The following PDK1 variants were observed in gnomAD, a reference collection of about 807,000 sequenced individuals.
PDK1 encodes pyruvate dehydrogenase kinase 1, also known as [Pyruvate dehydrogenase (acetyl-transferring)] kinase isozyme 1, mitochondrial.
In PDK1, 39 loss-of-function variants were observed where a neutral mutation model predicts 54.2. That is an observed-to-expected ratio of 0.72 (90% confidence interval 0.56 to 0.94). PDK1 has a LOEUF of 0.94. Ranked by LOEUF, PDK1 falls within the 40% of genes least tolerant of loss-of-function variation. PDK1 has a pLI of 0.00. For synonymous variants in PDK1, 221 were observed against 207.1 expected, an observed-to-expected ratio of 1.07 and a Z score of -0.58; for missense variants, 552 against 566.0, an observed-to-expected ratio of 0.98 and a Z score of 0.25.
At chr2:172,583,312 T>TA (rs1491260407) in intron 8 of PDK1, among the ~76,000 whole-genome samples, 6 of 134,930 alleles carry the variant, frequency 4.4e-5, no homozygotes, top group Admixed American at 7.9e-5. Context: ...TTTTTTTTTT[T>TA]ACTGAGCAGA....
chr2:172,643,505 G>A, the PDK1 span, among the ~76,000 whole-genome samples: 1 of 152,122 alleles, frequency 6.6e-6, no homozygotes, highest in South Asian at 2.1e-4. Context: ...CTGGGCCCTG[G>A]AATCTCCTGC....
chr2:172,606,750 A>AC lies in PDK1; in HGVS notation c.*10781_*10782insC, dbSNP rs1558967173. On this transcript the variant is annotated 3_prime_UTR_variant, in exon 11 of 11. Coordinates refer to ENST00000282077, the MANE Select transcript of PDK1 (RefSeq NM_002610.5). ...TTTCCTTTTTTTTTTAAAAAAAAAA[A>AC]AAAACCTTTTTCATGTTGAAGTTCA... is the stretch of plus-strand genomic sequence containing the variant. 1 of 151,954 alleles carries AC rather than the reference A, an allele frequency of 6.6e-6. No individual in the cohort carries two copies. Among genetic ancestry groups the AC allele is most frequent in the East Asian group, 1.9e-4 (1 of 5,170 alleles). 9.4% of individuals were successfully genotyped at this position (151,954 alleles called of 1,614,324 possible).
rs949601086 is a variant in PDK1 at position 172,558,893 on chromosome 2, C to T, written c.338+44C>T. 2.6e-6 allele frequency: 4 copies of T among 1,564,610 alleles called. No homozygotes were observed. In the Admixed American group the frequency reaches 5.8e-5, roughly 23 times the overall value. On this transcript the variant is annotated intron_variant, in intron 2 of 10. Coordinates refer to ENST00000282077, the MANE Select transcript of PDK1 (RefSeq NM_002610.5). ...GTTTGCAATTTGATGGAGTTGTGGA[C>T]TTTATTCAAGGTTACAGCAAATGCT...
chr2:172,556,274 G>C lies in PDK1; in HGVS notation c.124G>C (p.Val42Leu). 6.7e-7 allele frequency: 1 copy of C among 1,499,478 alleles called. No individual in the cohort carries two copies. Among genetic ancestry groups the C allele is most frequent in the East Asian group, 2.8e-5 (1 of 35,584 alleles). 92.9% of individuals were successfully genotyped at this position (1,499,478 alleles called of 1,614,324 possible). The stretch of plus-strand genomic sequence containing the variant: ...CTCCAGCCCGGCGTCCGAGCGCGGC[G>C]TTCCGGGCCAGGTGGACTTCTACGC... ...SGSSPASERGVPGQVDFYARF... is the reference protein window; with the variant it reads ...SGSSPASERGLPGQVDFYARF... The change falls in exon 1 of 11, where the codon GTT becomes CTT. Residue 42 changes from valine (V) to leucine (L), a missense_variant. Coordinates refer to ENST00000282077, the MANE Select transcript of PDK1 (RefSeq NM_002610.5).
chr2:172,606,709 G>A lies in PDK1; in HGVS notation c.*10740G>A, dbSNP rs933504912. The A allele has an allele frequency of 3.3e-5, 5 of 149,940 alleles. No individual in the cohort carries two copies. Among genetic ancestry groups the A allele is most frequent in the Admixed American group, 3.3e-4 (5 of 15,076 alleles). 9.3% of individuals were successfully genotyped at this position (149,940 alleles called of 1,614,324 possible). A position where few individuals can be genotyped will look rare whatever the true frequency, so the allele number is the denominator to read the frequency against. ...GCTCTGTGGTAGCAGAGAGAATGGT[G>A]GTAGTTTATTTTTTCTTTCCTTTTT... On this transcript the variant is annotated 3_prime_UTR_variant, in exon 11 of 11. Transcript: ENST00000282077.
the PDK1 span, among the ~76,000 whole-genome samples, chr2:172,626,076 T>C: frequency 6.6e-6 from 1 of 152,204 alleles, no homozygotes; most frequent in East Asian, 1.9e-4. Flanking sequence ...TTTTTTTCTT[T>C]CCTTGGCTTG....
the PDK1 span, among the ~76,000 whole-genome samples, chr2:172,668,278 ATTT>A: frequency 0.014 from 2,000 of 141,480 alleles, 17 homozygotes; most frequent in Non-Finnish European, 0.021. Context: ...TTCTTTCTTT[ATTT>A]TTTTTTTTTT....
At chr2:172,562,413 C>A (rs946661940) in intron 3 of PDK1, 122 bp downstream of exon 3, 2 of 679,202 alleles carry the variant, frequency 2.9e-6, no homozygotes, top group African/African-American at 1.8e-5. Context: ...GCAGCCCATA[C>A]AGGCAGGACA....
chr2:172,566,710 AAAG>A, intron 5 of PDK1, 143 bp from the exon 6 acceptor site: 2 of 513,120 alleles, frequency 3.9e-6, no homozygotes, highest in Non-Finnish European at 3.3e-6. Flanking sequence ...AAAAAAAAAA[AAAG>A]CAGACTTTCA....
At chr2:172,570,151 A>G (rs1250742255) in intron 7 of PDK1, among the ~76,000 whole-genome samples, 1 of 152,170 alleles carries the variant, frequency 6.6e-6, no homozygotes, top group African/African-American at 2.4e-5. Context: ...TTCTACTGCA[A>G]TGCTGAATGT....
the PDK1 span, among the ~76,000 whole-genome samples, chr2:172,627,845 A>G: frequency 6.6e-6 from 1 of 152,226 alleles, no homozygotes; most frequent in Admixed American, 6.5e-5. Flanking sequence ...AACCCTCACC[A>G]AACAGATCTG....
chr2:172,710,506 C>T, the PDK1 span, among the ~76,000 whole-genome samples: 1 of 152,074 alleles, frequency 6.6e-6, no homozygotes, highest in Non-Finnish European at 1.5e-5. Context: ...TTTCCTTATA[C>T]ATATACAAAG....
At chr2:172,665,679 A>G in the PDK1 span, among the ~76,000 whole-genome samples, 3 of 152,208 alleles carry the variant, frequency 2.0e-5, no homozygotes, top group African/African-American at 7.2e-5. Context: ...CTTCCTTGAT[A>G]ACAAAACCCC....
At chr2:172,712,586 T>C in the PDK1 span, among the ~76,000 whole-genome samples, 1 of 152,130 alleles carries the variant, frequency 6.6e-6, no homozygotes, top group Non-Finnish European at 1.5e-5. Flanking sequence ...TAGGCTGTGG[T>C]TGGACCAGGT....
chr2:172,609,244 G>A (rs981621106), downstream of PDK1, among the ~76,000 whole-genome samples: 7 of 152,090 alleles, frequency 4.6e-5, no homozygotes, highest in African/African-American at 1.7e-4. Context: ...GTGGAAATTG[G>A]GCACATTCTA....
the PDK1 span, among the ~76,000 whole-genome samples, chr2:172,642,060 T>C: frequency 2.0e-5 from 3 of 152,174 alleles, no homozygotes; most frequent in Admixed American, 2.0e-4. Flanking sequence ...TGAGTTTGAG[T>C]GGTTTAGGCC....
At chr2:172,670,053 T>A in the PDK1 span, among the ~76,000 whole-genome samples, 1 of 150,794 alleles carries the variant, frequency 6.6e-6, no homozygotes, top group South Asian at 2.1e-4. Context: ...GGCATAGATT[T>A]AAAAAAAAAA....
At chr2:172,663,345 C>T in the PDK1 span, among the ~76,000 whole-genome samples, 1 of 152,170 alleles carries the variant, frequency 6.6e-6, no homozygotes, top group Non-Finnish European at 1.5e-5. Flanking sequence ...AATACAGTCA[C>T]ATTTTGATAG....
the PDK1 span, among the ~76,000 whole-genome samples, chr2:172,646,269 T>C: frequency 1.3e-5 from 2 of 152,244 alleles, no homozygotes; most frequent in South Asian, 2.1e-4. Context: ...TATTTTTGTT[T>C]TGTTTCAATT....
Sources: gnomAD v4.1 joint callset for allele counts (sites outside exome capture counted in the v4.1 genomes callset) on GRCh38, gnomAD v4.1.1 for gene constraint, MANE v1.5 for transcripts, NCBI Gene and HGNC (gene_info 2026-07-23, HGNC 2026-07-21) for gene names.